The following HECW1 variants were observed in gnomAD, a reference collection of about 807,000 sequenced individuals.
HECW1 encodes the protein E3 ubiquitin-protein ligase HECW1.
Under a neutral mutation model 182.3 loss-of-function variants are expected in HECW1, and 61 were observed. The ratio of observed to expected loss-of-function variants is 0.33; its 90% CI spans 0.27 to 0.41. The LOEUF (loss-of-function observed/expected upper bound fraction) is 0.41, where lower values mean the gene tolerates loss of function less well. HECW1 is among the 10% of genes least tolerant of loss of function. The pLI is 1.00. For synonymous variants in HECW1, 859 were observed against 832.6 expected (o/e 1.03, Z -0.55); for missense variants, 1,739 against 2,108.9 (o/e 0.82, Z 3.44).
chr7:43,408,575 A>T (rs529241008), intron 8 of HECW1, among the ~76,000 whole-genome samples: 1 of 151,362 alleles, frequency 6.6e-6, no homozygotes, highest in Admixed American at 6.6e-5. Context: ...GGTCCCAGCT[A>T]CTGGAGAGGC....
chr7:43,131,398 A>G (rs943729229), intron 2 of HECW1, among the ~76,000 whole-genome samples: 1 of 152,224 alleles, frequency 6.6e-6, no homozygotes, highest in African/African-American at 2.4e-5. Context: ...GGGCTTTCCA[A>G]TGACCAACCC....
chr7:43,142,487 G>T (rs551373745), intron 2 of HECW1, among the ~76,000 whole-genome samples: 1 of 152,244 alleles, frequency 6.6e-6, no homozygotes, highest in South Asian at 2.1e-4. Flanking sequence ...GTGGGCTGCT[G>T]TGCCCACCAG....
In HECW1 at chr7:43,312,159, A is replaced by C. The variant is rs535460954; in HGVS notation, c.352+72A>C. On this transcript the variant is annotated intron_variant, in intron 4 of 29. Transcript: ENST00000395891. ...ATGCTGTCACATTTTAATAAACTCT[A>C]CAATATAATTAAAATATACAAGCAA... 5 of 1,297,090 alleles carry C rather than the reference A, an allele frequency of 3.9e-6. No homozygotes were observed. In the African/African-American group the frequency reaches 7.4e-5, roughly 19 times the overall value. The allele number at this position is 1,297,090 out of a possible 1,614,324, so 80.3% of individuals were successfully genotyped here. A position where few individuals can be genotyped will look rare whatever the true frequency, so the allele number is the denominator to read the frequency against.
intron 3 of HECW1, among the ~76,000 whole-genome samples, chr7:43,249,667 CA>C (rs1799821342): frequency 6.6e-6 from 1 of 152,038 alleles, no homozygotes; most frequent in African/African-American, 2.4e-5. Context: ...AGCATGTGGC[CA>C]AAAAACATGC....
rs58672776 is a variant in HECW1, at chr7:43,409,377, A to AATTT, written c.801+1651_801+1654dup. ...TAGAGATAATAAAAGATGTCAAAAGAATTTATTTTGTATGGGGGGAAAGGC... is the reference window on the plus strand; with the variant it reads ...TAGAGATAATAAAAGATGTCAAAAGAATTTATTTATTTTGTATGGGGGGAAAGGC... On this transcript the variant is annotated intron_variant, in intron 8 of 29. Transcript: ENST00000395891. Among the ~76,000 whole-genome samples, 1,322 of 152,310 alleles carry AATTT rather than the reference A, an allele frequency of 8.7e-3. 16 individuals are homozygous for AATTT. The highest frequency in any genetic ancestry group is 0.031 in the East Asian group (162 of 5,184).
chr7:43,554,516 T>G, intron 28 of HECW1, 76 bp from the exon 29 acceptor site: 1 of 1,282,970 alleles, frequency 7.8e-7, no homozygotes, highest in Non-Finnish European at 1.1e-6. Flanking sequence ...CCTGATGTGT[T>G]TGATCTCTCT....
At chr7:43,434,377 T>C (rs909045267) in intron 8 of HECW1, among the ~76,000 whole-genome samples, 2 of 152,210 alleles carry the variant, frequency 1.3e-5, no homozygotes, top group Non-Finnish European at 2.9e-5. Flanking sequence ...GCGTGGGCCT[T>C]CTTTTCCCAT....
intron 6 of HECW1, among the ~76,000 whole-genome samples, chr7:43,394,924 G>C (rs1485558192): frequency 6.6e-6 from 1 of 152,138 alleles, no homozygotes; most frequent in Non-Finnish European, 1.5e-5. Context: ...GGTTGGAGGG[G>C]GTGGAAGCTA....
chr7:43,352,330 A>T (rs1289953648), intron 5 of HECW1, among the ~76,000 whole-genome samples: 1 of 152,224 alleles, frequency 6.6e-6, no homozygotes, highest in Non-Finnish European at 1.5e-5. Context: ...TGCTTATACT[A>T]AAAATTCATT....
At chr7:43,550,653 T>A in intron 27 of HECW1, 62 bp downstream of exon 27, 1 of 1,487,796 alleles carries the variant, frequency 6.7e-7, no homozygotes, top group Non-Finnish European at 9.1e-7. Context: ...CGGGGCCTCA[T>A]CCTCCAGGCT....
At chr7:43,320,573 C>T in intron 4 of HECW1, 62 bp from the exon 5 acceptor site, 4 of 1,134,120 alleles carry the variant, frequency 3.5e-6, no homozygotes, top group African/African-American at 3.0e-5. Context: ...TTCTTTTATT[C>T]CCCTAAATAT....
At chr7:43,261,410 A>G (rs901718052) in intron 3 of HECW1, among the ~76,000 whole-genome samples, 1 of 151,914 alleles carries the variant, frequency 6.6e-6, no homozygotes, top group Non-Finnish European at 1.5e-5. Flanking sequence ...TCCTCGTCGG[A>G]TTTGTTCTCT....
intron 3 of HECW1, chr7:43,274,597 C>G (rs899339430): frequency 2.3e-6 from 1 of 434,856 alleles, no homozygotes; most frequent in East Asian, 6.4e-5. Context: ...AGGTTCCTCG[C>G]CCCGGGTGTG....
At chr7:43,383,847 TTA>T (rs1314416369) in intron 6 of HECW1, among the ~76,000 whole-genome samples, 3 of 152,316 alleles carry the variant, frequency 2.0e-5, no homozygotes, top group East Asian at 1.9e-4. Flanking sequence ...TTAACATATT[TTA>T]TATGTTATTT....
At chr7:43,327,736 C>A (rs545806899) in intron 5 of HECW1, among the ~76,000 whole-genome samples, 17 of 152,208 alleles carry the variant, frequency 1.1e-4, no homozygotes, top group Non-Finnish European at 2.4e-4. Context: ...CTCTAGCAGC[C>A]CCAAGTGAAA....
At chr7:43,142,132 G>A (rs1013755324) in intron 2 of HECW1, among the ~76,000 whole-genome samples, 3 of 152,140 alleles carry the variant, frequency 2.0e-5, no homozygotes, top group African/African-American at 7.2e-5. Context: ...GGGTCTGATG[G>A]AGGTGTGGGA....
chr7:43,493,094 C>T lies in HECW1; in HGVS notation c.3351C>T (p.Asp1117=). ...QHESLPLAYN[D]KIVAFLRQPN... ...TTTTGTCTGTTTCAGCATATAATGA[C>T]AAGATTGTGGCATTTCTTCGCCAGC... The change falls in exon 19 of 30, where the codon GAC becomes GAT. Residue 1117 remains aspartate (D), a synonymous_variant. Coordinates refer to ENST00000395891, the MANE Select transcript of HECW1 (RefSeq NM_015052.5). 20 of 1,612,380 alleles carry T rather than the reference C, an allele frequency of 1.2e-5. No homozygotes were observed. The highest frequency in any genetic ancestry group is 1.6e-5 in the Non-Finnish European group (19 of 1,178,726).
chr7:43,493,045 C>A, intron 18 of HECW1, 39 bp from the exon 19 acceptor site: 2 of 1,388,250 alleles, frequency 1.4e-6, no homozygotes, highest in Non-Finnish European at 2.0e-6. Flanking sequence ...TATCTCTGGG[C>A]TGCAGACTCA....
intron 19 of HECW1, among the ~76,000 whole-genome samples, chr7:43,498,110 G>A (rs1029305620): frequency 6.6e-6 from 1 of 152,166 alleles, no homozygotes; most frequent in South Asian, 2.1e-4. Flanking sequence ...GGGGCATCTG[G>A]AGGTCCCTTA....
Sources: gnomAD v4.1 joint callset for allele counts (sites outside exome capture counted in the v4.1 genomes callset) on GRCh38, gnomAD v4.1.1 for gene constraint, MANE v1.5 for transcripts, NCBI Gene and HGNC (gene_info 2026-07-23, HGNC 2026-07-21) for gene names.